Variants in PTPRG observed in about 807,000 individuals in gnomAD.
PTPRG encodes the protein receptor-type tyrosine-protein phosphatase gamma.
In PTPRG, 102 loss-of-function variants were observed where a neutral mutation model predicts 165.3. The observed-to-expected ratio is 0.62, with a 90% CI of 0.53 to 0.73. The LOEUF (loss-of-function observed/expected upper bound fraction) is 0.73, where lower values mean the gene tolerates loss of function less well. Among genes scored for constraint, PTPRG ranks in the 30% least tolerant of loss-of-function variants. The pLI is 0.00. For synonymous variants in PTPRG, 675 were observed against 669.5 expected (o/e 1.01, Z -0.13); for missense variants, 1,866 against 1,861.4 (o/e 1.00, Z -0.05).
In PTPRG at chr3:62,150,173, A is replaced by G. The variant is rs548871435; in HGVS notation, c.683-6894A>G. Among the ~76,000 whole-genome samples, 3 of 152,354 alleles carry G rather than the reference A, an allele frequency of 2.0e-5. No individual in the cohort carries two copies. In the South Asian group the frequency reaches 6.2e-4, roughly 32 times the overall value. On this transcript the variant is annotated intron_variant, in intron 6 of 29. Transcript: ENST00000474889. ...GACTAAGTTTGCTAACAGCTGCAGA[A>G]CATTTGGTCCCAAAGCAGCCGTGAA...
At chr3:62,048,325 A>G (rs1270538230) in intron 4 of PTPRG, among the ~76,000 whole-genome samples, 1 of 152,224 alleles carries the variant, frequency 6.6e-6, no homozygotes, top group Non-Finnish European at 1.5e-5. Context: ...TGCTTGCTTG[A>G]CAGTTTATAA....
At chr3:61,837,848 C>A (rs2036515874) in intron 2 of PTPRG, among the ~76,000 whole-genome samples, 1 of 152,162 alleles carries the variant, frequency 6.6e-6, no homozygotes, top group Non-Finnish European at 1.5e-5. Flanking sequence ...CAGTGTATTG[C>A]AAGTTTGCTT....
intron 2 of PTPRG, among the ~76,000 whole-genome samples, chr3:61,909,075 T>C (rs1045100402): frequency 6.6e-6 from 1 of 152,256 alleles, no homozygotes; most frequent in South Asian, 2.1e-4. Context: ...TGGGTACTTT[T>C]AATGGCAAGG....
intron 2 of PTPRG, among the ~76,000 whole-genome samples, chr3:61,988,859 G>A (rs146208756): frequency 0.015 from 2,245 of 152,272 alleles, 54 homozygotes; most frequent in African/African-American, 0.05. Context: ...GGAGGCAAAT[G>A]CAGTGTGTTT....
intron 11 of PTPRG, among the ~76,000 whole-genome samples, chr3:62,201,810 G>T (rs1700100340): frequency 6.6e-6 from 1 of 152,104 alleles, no homozygotes; most frequent in African/African-American, 2.4e-5. Context: ...TGATTTGTGG[G>T]ATCAGACGAT....
At chr3:62,216,046 C>G (rs1291967695) in intron 12 of PTPRG, among the ~76,000 whole-genome samples, 1 of 151,970 alleles carries the variant, frequency 6.6e-6, no homozygotes, top group Admixed American at 6.6e-5. Context: ...GGTGAAACCT[C>G]GTCTCTACTA....
At chr3:61,753,669 C>T (rs1035777749) in intron 2 of PTPRG, 2 of 428,064 alleles carry the variant, frequency 4.7e-6, no homozygotes, top group African/African-American at 2.1e-5. Flanking sequence ...ACTGCAACCC[C>T]CCAACCCCCT....
chr3:61,642,904 TTG>T (rs1702103891), intron 1 of PTPRG, among the ~76,000 whole-genome samples: 1 of 152,142 alleles, frequency 6.6e-6, no homozygotes, highest in Non-Finnish European at 1.5e-5. Context: ...CAATAAGCTG[TTG>T]TTTGCCCCTG....
chr3:61,791,348 G>C (rs746380097), intron 2 of PTPRG, among the ~76,000 whole-genome samples: 9 of 152,204 alleles, frequency 5.9e-5, no homozygotes, highest in Non-Finnish European at 1.2e-4. Context: ...GGTTTCTTGA[G>C]GCATGCTGTT....
chr3:62,073,856 G>A (rs919576774), intron 4 of PTPRG, among the ~76,000 whole-genome samples: 3 of 152,142 alleles, frequency 2.0e-5, no homozygotes, highest in Non-Finnish European at 2.9e-5. Flanking sequence ...CTCAGTAACT[G>A]TTCCGGATGA....
At position 61,851,922 on chromosome 3, in the gene PTPRG, T is replaced by C. The variant is rs1670836858; in HGVS notation, c.190+102940T>C. ...AGTCACGTAATTTTCCAGTGTCTTA[T>C]GATTATAGCTATCTAGATTGGCTGA... On this transcript the variant is annotated intron_variant, in intron 2 of 29. Transcript: ENST00000474889. Among the ~76,000 whole-genome samples, 3 of 152,208 alleles carry C rather than the reference T, an allele frequency of 2.0e-5. No individual in the cohort carries two copies. In the South Asian group the frequency reaches 6.2e-4, roughly 31 times the overall value.
chr3:62,116,921 C>A (rs1398808581), intron 5 of PTPRG, among the ~76,000 whole-genome samples: 2 of 152,206 alleles, frequency 1.3e-5, no homozygotes, highest in Non-Finnish European at 2.9e-5. Flanking sequence ...AGTGACCTGA[C>A]AGTCTTGAGG....
intron 2 of PTPRG, among the ~76,000 whole-genome samples, chr3:61,973,121 A>G (rs1330683820): frequency 2.0e-5 from 3 of 152,244 alleles, no homozygotes; most frequent in Non-Finnish European, 4.4e-5. Flanking sequence ...AACTGAGGAT[A>G]CAAAGAGAAT....
intron 2 of PTPRG, among the ~76,000 whole-genome samples, chr3:61,892,781 G>A (rs973518351): frequency 1.1e-4 from 17 of 150,848 alleles, no homozygotes; most frequent in Non-Finnish European, 2.4e-4. Context: ...GTGTCATTGC[G>A]CTCCAGCCTG....
At chr3:61,958,390 C>G (rs2040081021) in intron 2 of PTPRG, among the ~76,000 whole-genome samples, 1 of 152,174 alleles carries the variant, frequency 6.6e-6, no homozygotes, top group Non-Finnish European at 1.5e-5. Context: ...CCACTTCAGC[C>G]TCCCAAAGTG....
chr3:62,063,082 AT>A (rs1700873594), intron 4 of PTPRG, among the ~76,000 whole-genome samples: 1 of 152,192 alleles, frequency 6.6e-6, no homozygotes, highest in Admixed American at 6.5e-5. Context: ...CATCATCTCA[AT>A]TTTGCATATT....
chr3:62,274,267 A>G (rs1702164244), intron 23 of PTPRG, among the ~76,000 whole-genome samples: 1 of 152,170 alleles, frequency 6.6e-6, no homozygotes, highest in African/African-American at 2.4e-5. Context: ...TAATTTAGGA[A>G]TTTAAAAAGA....
At chr3:61,881,793 G>A (rs1453337349) in intron 2 of PTPRG, among the ~76,000 whole-genome samples, 2 of 152,086 alleles carry the variant, frequency 1.3e-5, no homozygotes, top group Non-Finnish European at 2.9e-5. Flanking sequence ...TGCCTGATGA[G>A]CCTCTTCAGA....
intron 1 of PTPRG, among the ~76,000 whole-genome samples, chr3:61,608,482 T>G (rs964611116): frequency 6.6e-6 from 1 of 152,152 alleles, no homozygotes; most frequent in East Asian, 1.9e-4. Context: ...CTGTATTCTG[T>G]TTGCTGTGGG....
Sources: allele counts gnomAD v4.1 joint callset (sites outside exome capture counted in the v4.1 genomes callset), GRCh38; gene constraint gnomAD v4.1.1; transcripts MANE v1.5; gene names NCBI Gene and HGNC (gene_info 2026-07-23, HGNC 2026-07-21).